Variants in STAU2 observed in about 807,000 individuals in gnomAD.
STAU2 encodes the protein staufen double-stranded RNA binding protein 2.
STAU2 carries 20 observed loss-of-function variants against 65.9 expected under a neutral mutation model. The ratio of observed to expected loss-of-function variants is 0.30; its 90% CI spans 0.21 to 0.44. The LOEUF (loss-of-function observed/expected upper bound fraction) is 0.44, where lower values mean the gene tolerates loss of function less well. STAU2 is among the 20% of genes least tolerant of loss of function. The probability of loss-of-function intolerance (pLI) is 1.00; values close to 1 mark genes in which losing one functional copy is unlikely to be tolerated. For missense variants in STAU2, 558 were observed against 683.9 expected (o/e 0.82, Z 2.05); for synonymous variants, 232 against 233.9 (o/e 0.99, Z 0.07).
chr8:73,610,538 CAAAAAAAAAAA>C (rs59599554), intron 9 of STAU2, among the ~76,000 whole-genome samples: 1 of 95,144 alleles, frequency 1.1e-5, no homozygotes, highest in Non-Finnish European at 2.2e-5. Context: ...GACCCCGTCT[CAAAAAAAAAAA>C]AAAAAAAAAG....
intron 13 of STAU2, among the ~76,000 whole-genome samples, chr8:73,489,933 AAG>A (rs1436170032): frequency 1.3e-5 from 2 of 152,024 alleles, no homozygotes; most frequent in Non-Finnish European, 2.9e-5. Context: ...TTCATTATGA[AAG>A]AGAGGGGGGA....
At chr8:73,572,044 G>A (rs6993601) in intron 12 of STAU2, among the ~76,000 whole-genome samples, 15,112 of 151,996 alleles carry the variant, frequency 0.099, 1,171 homozygotes, top group East Asian at 0.44. Context: ...TCAAATAGAC[G>A]CAATAAAAAA....
chr8:73,548,159 T>C (rs1807068960), intron 13 of STAU2, among the ~76,000 whole-genome samples: 1 of 152,006 alleles, frequency 6.6e-6, no homozygotes, highest in African/African-American at 2.4e-5. Context: ...TGGGTGTGTA[T>C]GTACATGCAT....
At chr8:73,584,206 T>C (rs1315858212) in intron 11 of STAU2, among the ~76,000 whole-genome samples, 1 of 152,180 alleles carries the variant, frequency 6.6e-6, no homozygotes, top group Admixed American at 6.5e-5. Flanking sequence ...TCTCTTTCTC[T>C]CTCTAATTAG....
chr8:73,443,804 C>T (rs192825437), intron 13 of STAU2, among the ~76,000 whole-genome samples: 1 of 151,726 alleles, frequency 6.6e-6, no homozygotes, highest in Non-Finnish European at 1.5e-5. Context: ...GCTGAGATTG[C>T]TCCACTGTAC....
chr8:73,560,901 C>G (rs767928643), intron 12 of STAU2, among the ~76,000 whole-genome samples: 5 of 152,174 alleles, frequency 3.3e-5, no homozygotes, highest in Admixed American at 6.5e-5. Context: ...AAATTCAGGA[C>G]TGGCTGCTAT....
chr8:73,716,010 G>C (rs1481140469), intron 3 of STAU2, among the ~76,000 whole-genome samples: 1 of 151,994 alleles, frequency 6.6e-6, no homozygotes, highest in East Asian at 1.9e-4. Context: ...CGCCTCCCAA[G>C]CTCAAGCGAT....
chr8:73,496,599 G>A (rs974794523), intron 13 of STAU2, among the ~76,000 whole-genome samples: 16 of 151,656 alleles, frequency 1.1e-4, no homozygotes, highest in African/African-American at 3.9e-4. Flanking sequence ...CAGAAATATA[G>A]TGCAGGCTAC....
chr8:73,593,689 G>T (rs148901406), intron 11 of STAU2, among the ~76,000 whole-genome samples: 97 of 152,190 alleles, frequency 6.4e-4, no homozygotes, highest in Non-Finnish European at 1.2e-3. Context: ...CAGCTGAAGG[G>T]CCTGAACAGA....
At chr8:73,566,216 G>T (rs1482486993) in intron 12 of STAU2, among the ~76,000 whole-genome samples, 1 of 152,098 alleles carries the variant, frequency 6.6e-6, no homozygotes, top group Non-Finnish European at 1.5e-5. Context: ...TGGAATAAAA[G>T]AACACACTTG....
At chr8:73,483,214 T>C (rs553382427) in intron 13 of STAU2, among the ~76,000 whole-genome samples, 7 of 151,942 alleles carry the variant, frequency 4.6e-5, no homozygotes, top group Non-Finnish European at 7.4e-5. Context: ...CTGAAGGAAT[T>C]TTAACAACAT....
At chr8:73,603,580 G>T in intron 10 of STAU2, 146 bp downstream of exon 10, 2 of 995,740 alleles carry the variant, frequency 2.0e-6, no homozygotes, top group Non-Finnish European at 1.4e-6. Context: ...CCACCAAGTT[G>T]GTAGGTGAGC....
At chr8:73,746,916 CCCGGCGCTCCCGCCGCG>C, upstream of STAU2, 1 of 1,011,410 alleles carries the variant, frequency 9.9e-7, no homozygotes, top group East Asian at 7.2e-5. Flanking sequence ...CGCCCGCCTC[CCCGGCGCTCCCGCCGCG>C]CCCTCCCGCG....
At chr8:73,618,639 C>T (rs536064951) in intron 6 of STAU2, among the ~76,000 whole-genome samples, 3 of 152,312 alleles carry the variant, frequency 2.0e-5, no homozygotes, top group African/African-American at 4.8e-5. Context: ...CAAAATCTGA[C>T]TTATCTCTTG....
At chr8:73,705,403 C>G (rs1820441836) in intron 4 of STAU2, among the ~76,000 whole-genome samples, 1 of 152,146 alleles carries the variant, frequency 6.6e-6, no homozygotes, top group Non-Finnish European at 1.5e-5. Flanking sequence ...AGTAAACCAT[C>G]TCAAAGTATC....
In STAU2 at chr8:73,505,485, G is replaced by A. The variant is rs754464670; in HGVS notation, c.1530+46527C>T. Among the ~76,000 whole-genome samples, 4 of 152,158 alleles carry A rather than the reference G, an allele frequency of 2.6e-5. No homozygotes were observed. In the East Asian group the frequency reaches 7.8e-4, roughly 29 times the overall value. On this transcript the variant is annotated intron_variant, in intron 13 of 14. Transcript: ENST00000524300. ...TACCACAGCTCAAGTCCTGAGGCTT[G>A]AGTCCAAGAGGACCCCCTGAGACAT...
At chr8:73,678,966 T>A (rs941338625) in intron 5 of STAU2, among the ~76,000 whole-genome samples, 2 of 152,198 alleles carry the variant, frequency 1.3e-5, no homozygotes, top group Admixed American at 6.5e-5. Context: ...GATTTGATTA[T>A]GAATATAACC....
At chr8:73,737,386 G>C (rs1313711778) in intron 3 of STAU2, among the ~76,000 whole-genome samples, 2 of 151,888 alleles carry the variant, frequency 1.3e-5, no homozygotes, top group East Asian at 3.9e-4. Flanking sequence ...GGCCAGGCTG[G>C]TCTCGGACTC....
intron 13 of STAU2, chr8:73,439,345 G>C (rs1817952049): frequency 7.0e-6 from 2 of 287,084 alleles, no homozygotes; most frequent in Non-Finnish European, 1.4e-5. Context: ...GACTGGGCAT[G>C]GTGGCTCATG....
Sources: gnomAD v4.1 joint callset for allele counts (sites outside exome capture counted in the v4.1 genomes callset) on GRCh38, gnomAD v4.1.1 for gene constraint, MANE v1.5 for transcripts, NCBI Gene and HGNC (gene_info 2026-07-23, HGNC 2026-07-21) for gene names.